Variants in NSMCE2 observed in about 807,000 individuals in gnomAD.
The protein encoded by NSMCE2 is NSE2 SUMO ligase component of SMC5/6 complex.
A neutral mutation model predicts 23.8 loss-of-function variants in NSMCE2; 24 were observed. The observed-to-expected ratio is 1.01, with a 90% CI of 0.73 to 1.42. The LOEUF (loss-of-function observed/expected upper bound fraction) is 1.42, where lower values mean the gene tolerates loss of function less well. Among genes scored for constraint, NSMCE2 ranks in the 40% most tolerant of loss-of-function variants. The probability of loss-of-function intolerance (pLI) is 0.00; values close to 1 mark genes in which losing one functional copy is unlikely to be tolerated. For missense variants in NSMCE2, 284 were observed against 296.5 expected (o/e 0.96, Z 0.31); for synonymous variants, 92 against 94.1 (o/e 0.98, Z 0.13).
chr8:125,220,436 A>G (rs1378956195), intron 5 of NSMCE2, among the ~76,000 whole-genome samples: 1 of 152,188 alleles, frequency 6.6e-6, no homozygotes, highest in Non-Finnish European at 1.5e-5. Context: ...TTCCTGTGAC[A>G]ACCTAAAACA....
chr8:125,253,763 G>A (rs1463843427), intron 5 of NSMCE2, among the ~76,000 whole-genome samples: 1 of 152,168 alleles, frequency 6.6e-6, no homozygotes, highest in East Asian at 1.9e-4. Flanking sequence ...TGATTTAAAA[G>A]ATAATTACTA....
At chr8:125,219,782 T>C (rs1252331463) in intron 5 of NSMCE2, among the ~76,000 whole-genome samples, 1 of 152,316 alleles carries the variant, frequency 6.6e-6, no homozygotes, top group East Asian at 1.9e-4. Context: ...GCTTCGCTGA[T>C]TGAAAACACC....
rs569870156 is a variant in NSMCE2 at position 125,140,165 on chromosome 8, CTTTA to C, written c.158-11003_158-11000del. Among the ~76,000 whole-genome samples the C allele has an allele frequency of 1.2e-3, 181 of 152,280 alleles. 1 individual carries two copies. Among genetic ancestry groups the C allele is most frequent in the Admixed American group, 3.1e-3 (47 of 15,302 alleles). On this transcript the variant is annotated intron_variant, in intron 3 of 7. Transcript: ENST00000287437. ...GCTTGATTACTTTTTTAGTCATATG[CTTTA>C]TTAATTTTAAAAACATTTTTTAAGT...
intron 5 of NSMCE2, among the ~76,000 whole-genome samples, chr8:125,321,234 A>G (rs1290345680): frequency 6.6e-6 from 1 of 152,220 alleles, no homozygotes; most frequent in African/African-American, 2.4e-5. Context: ...ATCATCATAA[A>G]TGGTAACTAC....
intron 3 of NSMCE2, among the ~76,000 whole-genome samples, chr8:125,130,760 A>G (rs1474112519): frequency 6.6e-6 from 1 of 152,198 alleles, no homozygotes; most frequent in Non-Finnish European, 1.5e-5. Flanking sequence ...ATGTGTTCAC[A>G]CCATTATCTT....
At chr8:125,348,841 G>T (rs1812897690) in intron 5 of NSMCE2, 1 of 152,068 alleles carries the variant, frequency 6.6e-6, no homozygotes, top group African/African-American at 2.4e-5. Flanking sequence ...TTTATTAGCA[G>T]CACGAGAACG....
chr8:125,154,219 CT>C (rs911429039), intron 4 of NSMCE2, among the ~76,000 whole-genome samples: 1 of 152,094 alleles, frequency 6.6e-6, no homozygotes, highest in African/African-American at 2.4e-5. Flanking sequence ...GATTTAAAAA[CT>C]TTTTTAATCA....
At chr8:125,186,842 A>G (rs1241726733) in intron 5 of NSMCE2, among the ~76,000 whole-genome samples, 1 of 152,160 alleles carries the variant, frequency 6.6e-6, no homozygotes, top group Non-Finnish European at 1.5e-5. Context: ...TAACAGATAT[A>G]CTACACTCAT....
At position 125,102,544 on chromosome 8, in the gene NSMCE2, A is replaced by G. The variant is rs1451434561; in HGVS notation, c.157+57A>G. The G allele has an allele frequency of 1.1e-5, 15 of 1,418,888 alleles. No homozygotes were observed. In the African/African-American group the frequency reaches 1.4e-4, roughly 13 times the overall value. 87.9% of individuals were successfully genotyped at this position (1,418,888 alleles called of 1,614,324 possible). ...CTTTGAGGTAACACTGTGTGGTGGT[A>G]TTTATCTGGGGGTGCCTTTTGAGTA... On this transcript the variant is annotated intron_variant, in intron 3 of 7. Coordinates refer to ENST00000287437, the MANE Select transcript of NSMCE2 (RefSeq NM_173685.4).
intron 5 of NSMCE2, among the ~76,000 whole-genome samples, chr8:125,285,112 G>A (rs1446138303): frequency 2.6e-5 from 4 of 152,274 alleles, no homozygotes; most frequent in Admixed American, 1.3e-4. Flanking sequence ...ATCTGAAGGA[G>A]CTTATCATTA....
intron 5 of NSMCE2, among the ~76,000 whole-genome samples, chr8:125,203,736 T>G (rs1360315333): frequency 2.0e-5 from 3 of 152,164 alleles, no homozygotes; most frequent in Non-Finnish European, 2.9e-5. Context: ...GACTAGTCTC[T>G]TGAGATTACA....
At chr8:125,256,836 G>T (rs1034702508) in intron 5 of NSMCE2, among the ~76,000 whole-genome samples, 1 of 145,092 alleles carries the variant, frequency 6.9e-6, no homozygotes, top group Non-Finnish European at 1.5e-5. Context: ...TGAGGCAGGC[G>T]AATTGCTTGA....
intron 5 of NSMCE2, among the ~76,000 whole-genome samples, chr8:125,232,186 T>C (rs7017478): frequency 0.49 from 74,308 of 151,688 alleles, 22,643 homozygotes; most frequent in African/African-American, 0.87. Context: ...CATGGAGAAA[T>C]CCCGTCTGTA....
At chr8:125,357,996 A>C (rs1481416903) in intron 7 of NSMCE2, among the ~76,000 whole-genome samples, 178 bp downstream of exon 7, 2 of 152,194 alleles carry the variant, frequency 1.3e-5, no homozygotes, top group Admixed American at 1.3e-4. Flanking sequence ...AAAAATTAGT[A>C]ATCTGTTCAG....
Position 125,102,336 on chromosome 8 carries a change from A to G in NSMCE2, c.6A>G (p.Pro2=). 6.2e-6 allele frequency: 10 copies of G among 1,613,270 alleles called. No homozygotes were observed. Among genetic ancestry groups the G allele is most frequent in the Non-Finnish European group, 8.5e-6 (10 of 1,179,392 alleles). The stretch of plus-strand genomic sequence containing the variant: ...ACTTAGGTACTAATTTCAAGATGCC[A>G]GGACGTTCCAGTTCAAATTCAGGTT... M[P]GRSSSNSGST... The change falls in exon 3 of 8, where the codon CCA becomes CCG. Residue 2 remains proline, a synonymous_variant. Coordinates refer to ENST00000287437, the MANE Select transcript of NSMCE2 (RefSeq NM_173685.4).
At chr8:125,159,388 G>A (rs1821485174) in intron 4 of NSMCE2, among the ~76,000 whole-genome samples, 1 of 152,126 alleles carries the variant, frequency 6.6e-6, no homozygotes, top group Admixed American at 6.5e-5. Flanking sequence ...TACCTTTTCT[G>A]TGTTTACATA....
intron 5 of NSMCE2, among the ~76,000 whole-genome samples, chr8:125,183,912 A>G (rs1221273569): frequency 6.6e-6 from 1 of 152,150 alleles, no homozygotes; most frequent in Non-Finnish European, 1.5e-5. Flanking sequence ...GAACTATTCT[A>G]TTTGGTGCTT....
intron 3 of NSMCE2, among the ~76,000 whole-genome samples, chr8:125,117,515 T>C (rs980591675): frequency 1.3e-5 from 2 of 152,086 alleles, no homozygotes; most frequent in Non-Finnish European, 2.9e-5. Flanking sequence ...TCCATGGGGC[T>C]TTTTGCATTT....
intron 5 of NSMCE2, among the ~76,000 whole-genome samples, chr8:125,203,618 C>A (rs1233156057): frequency 6.6e-6 from 1 of 152,144 alleles, no homozygotes. Flanking sequence ...TGCATAGATT[C>A]CCCCATTATC....
Sources: gnomAD v4.1 joint callset for allele counts (sites outside exome capture counted in the v4.1 genomes callset) on GRCh38, gnomAD v4.1.1 for gene constraint, MANE v1.5 for transcripts, NCBI Gene and HGNC (gene_info 2026-07-23, HGNC 2026-07-21) for gene names.